CTNND2: variants seen among roughly 807,000 people sequenced by gnomAD.
The protein encoded by CTNND2 is catenin delta-2.
Under a neutral mutation model 144.4 loss-of-function variants are expected in CTNND2, and 22 were observed. The ratio of observed to expected loss-of-function variants is 0.15; its 90% CI spans 0.11 to 0.22. The LOEUF (loss-of-function observed/expected upper bound fraction) is 0.22, where lower values mean the gene tolerates loss of function less well. Ranked by LOEUF, CTNND2 falls within the 10% of genes least tolerant of loss-of-function variation. The pLI is 1.00. For synonymous variants in CTNND2, 751 were observed against 695.6 expected (o/e 1.08, Z -1.25); for missense variants, 1,353 against 1,618.8 (o/e 0.84, Z 2.82).
In CTNND2 at chr5:11,458,284, T is replaced by C. The variant is rs963989063; in HGVS notation, c.288-46215A>G. ...GGCCCAGGGGAACATGCTGGGCAACTTCCATGACAGTTGTTTCATAAACAG... is the reference window on the plus strand; with the variant it reads ...GGCCCAGGGGAACATGCTGGGCAACCTCCATGACAGTTGTTTCATAAACAG... On this transcript the variant is annotated intron_variant, in intron 3 of 21. Coordinates refer to ENST00000304623, the MANE Select transcript of CTNND2 (RefSeq NM_001332.4). Among the ~76,000 whole-genome samples, 6 of 151,672 alleles carry C rather than the reference T, an allele frequency of 4.0e-5. No homozygotes were observed. The South Asian group carries it at 1.2e-3, about 31-fold the overall frequency.
intron 2 of CTNND2, among the ~76,000 whole-genome samples, chr5:11,644,810 C>T (rs1782264218): frequency 6.6e-6 from 1 of 152,026 alleles, no homozygotes; most frequent in Non-Finnish European, 1.5e-5. Context: ...GCTTGTCACC[C>T]ATAAGTCAAA....
chr5:11,297,451 C>T (rs1028177896), intron 9 of CTNND2, among the ~76,000 whole-genome samples: 1 of 152,076 alleles, frequency 6.6e-6, no homozygotes, highest in African/African-American at 2.4e-5. Flanking sequence ...CAGAGCTGGT[C>T]ATTAAAGACA....
At chr5:11,383,859 T>C (rs1430670612) in intron 7 of CTNND2, among the ~76,000 whole-genome samples, 1 of 152,220 alleles carries the variant, frequency 6.6e-6, no homozygotes, top group Non-Finnish European at 1.5e-5. Context: ...TTGTTTAAGC[T>C]GAGCATATGG....
At chr5:11,465,166 T>C (rs994830019) in intron 3 of CTNND2, among the ~76,000 whole-genome samples, 1 of 152,238 alleles carries the variant, frequency 6.6e-6, no homozygotes, top group Non-Finnish European at 1.5e-5. Flanking sequence ...TTTGCAGTAA[T>C]TGTTCACATT....
At chr5:11,139,889 A>G (rs1317064868) in intron 12 of CTNND2, among the ~76,000 whole-genome samples, 2 of 152,126 alleles carry the variant, frequency 1.3e-5, no homozygotes, top group Non-Finnish European at 2.9e-5. Flanking sequence ...TGCCTTTCCC[A>G]GCTTCTACAT....
In CTNND2 at chr5:11,384,559, C is replaced by G; in HGVS notation, c.1177+106G>C. The G allele has an allele frequency of 9.5e-7, 1 of 1,050,560 alleles. No individual in the cohort carries two copies. The highest frequency in any genetic ancestry group is 1.3e-6 in the Non-Finnish European group (1 of 743,522). The allele number at this position is 1,050,560 out of a possible 1,614,324, so 65.1% of individuals were successfully genotyped here. A position where few individuals can be genotyped will look rare whatever the true frequency, so the allele number is the denominator to read the frequency against. On this transcript the variant is annotated intron_variant, in intron 7 of 21. Coordinates refer to ENST00000304623, the MANE Select transcript of CTNND2 (RefSeq NM_001332.4). This position sits in a 1 kb window ranked among gnomAD's most constrained non-coding sequence, Gnocchi z 5.2. Reference sequence around the variant, plus strand: ...CTCTGTCTCCTGCAACTACTACAACCTGGCAGACAGCGCGCCCGGCTTCGC... The same window carrying G: ...CTCTGTCTCCTGCAACTACTACAACGTGGCAGACAGCGCGCCCGGCTTCGC...
intron 3 of CTNND2, among the ~76,000 whole-genome samples, chr5:11,467,729 C>T (rs1211463689): frequency 6.6e-6 from 1 of 151,998 alleles, no homozygotes; most frequent in African/African-American, 2.4e-5. Flanking sequence ...GTATTTATTC[C>T]CAGTGATAAG....
chr5:11,202,211 T>C (rs1737516688), intron 10 of CTNND2, among the ~76,000 whole-genome samples: 1 of 152,196 alleles, frequency 6.6e-6, no homozygotes, highest in East Asian at 1.9e-4. Context: ...GATGTTATAA[T>C]TAATATTCCT....
At chr5:11,592,595 A>G (rs1183286812) in intron 2 of CTNND2, among the ~76,000 whole-genome samples, 1 of 151,940 alleles carries the variant, frequency 6.6e-6, no homozygotes, top group Admixed American at 6.6e-5. Flanking sequence ...CTCTTGACAA[A>G]GTTCAACAGT....
intron 3 of CTNND2, among the ~76,000 whole-genome samples, chr5:11,521,134 G>T (rs1772684992): frequency 6.6e-6 from 1 of 152,116 alleles, no homozygotes; most frequent in African/African-American, 2.4e-5. Context: ...CATATCAAAG[G>T]GAAATTTGGC....
intron 3 of CTNND2, among the ~76,000 whole-genome samples, chr5:11,431,798 G>A (rs760282256): frequency 1.3e-5 from 2 of 152,034 alleles, no homozygotes; most frequent in Non-Finnish European, 2.9e-5. Context: ...TCTAGACCCA[G>A]AAGCTCTGGG....
At chr5:11,548,668 A>G (rs1316189598) in intron 3 of CTNND2, among the ~76,000 whole-genome samples, 1 of 152,182 alleles carries the variant, frequency 6.6e-6, no homozygotes, top group Non-Finnish European at 1.5e-5. Context: ...AAATGTAACA[A>G]TCTTCCTCAG....
chr5:11,416,642 A>G (rs1761958065), intron 3 of CTNND2, among the ~76,000 whole-genome samples: 1 of 152,218 alleles, frequency 6.6e-6, no homozygotes, highest in Non-Finnish European at 1.5e-5. Flanking sequence ...ATAAACATGG[A>G]TTATGCCTGG....
At chr5:11,082,556 A>ATTAAAT (rs1749688289) in intron 16 of CTNND2, 140 bp downstream of exon 16, 3 of 919,922 alleles carry the variant, frequency 3.3e-6, no homozygotes. Flanking sequence ...AATCAGAAGG[A>ATTAAAT]CAGCAGAAAA....
At chr5:11,482,121 T>C (rs1351823213) in intron 3 of CTNND2, among the ~76,000 whole-genome samples, 1 of 152,126 alleles carries the variant, frequency 6.6e-6, no homozygotes, top group African/African-American at 2.4e-5. Flanking sequence ...CATATGAACT[T>C]GATTATGCCG....
intron 15 of CTNND2, among the ~76,000 whole-genome samples, chr5:11,090,789 A>C (rs1750689622): frequency 6.7e-6 from 1 of 149,878 alleles, no homozygotes; most frequent in Non-Finnish European, 1.5e-5. Flanking sequence ...GAGCCCAGTA[A>C]GTTCAGCCTT....
At chr5:11,315,650 A>G (rs1315473065) in intron 9 of CTNND2, among the ~76,000 whole-genome samples, 3 of 152,216 alleles carry the variant, frequency 2.0e-5, no homozygotes, top group East Asian at 1.9e-4. Flanking sequence ...TTTCCTGTTA[A>G]TAATTCTGAG....
chr5:11,510,722 G>A lies in CTNND2; in HGVS notation c.287+54222C>T, dbSNP rs1414015899. On this transcript the variant is annotated intron_variant, in intron 3 of 21. Transcript: ENST00000304623. ...AAGGCGGGCGGATCACTTGAGGCCA[G>A]GTGTTCAAGACCAGCCTGGCCAACA... Among the ~76,000 whole-genome samples, 11 of 152,254 alleles carry A rather than the reference G, an allele frequency of 7.2e-5. No individual in the cohort carries two copies. The East Asian group carries it at 2.1e-3, about 29-fold the overall frequency.
chr5:11,190,705 A>C (rs1204328741), intron 11 of CTNND2, among the ~76,000 whole-genome samples: 2 of 152,226 alleles, frequency 1.3e-5, no homozygotes, highest in Non-Finnish European at 2.9e-5. Flanking sequence ...TTGATGTATT[A>C]TCTATGGTGC....
Sources: allele counts gnomAD v4.1 joint callset (sites outside exome capture counted in the v4.1 genomes callset), GRCh38; gene constraint gnomAD v4.1.1; non-coding constraint Gnocchi (gnomAD v3.1); transcripts MANE v1.5; gene names NCBI Gene and HGNC (gene_info 2026-07-23, HGNC 2026-07-21).